PMEPA1: variants seen among roughly 807,000 people sequenced by gnomAD.
The protein encoded by PMEPA1 is protein TMEPAI.
In PMEPA1, 11 loss-of-function variants were observed where a neutral mutation model predicts 23.0. The ratio of observed to expected loss-of-function variants is 0.48; its 90% CI spans 0.30 to 0.79. The LOEUF is 0.79. Among genes scored for constraint, PMEPA1 ranks in the 30% least tolerant of loss-of-function variants. The pLI is 0.06. For missense variants in PMEPA1, 377 were observed against 390.9 expected, an observed-to-expected ratio of 0.96 and a Z score of 0.30; for synonymous variants, 204 against 166.4, an observed-to-expected ratio of 1.23 and a Z score of -1.74.
In PMEPA1 at chr20:57,652,996, A is replaced by G. The variant is rs1304970153; in HGVS notation, c.318+37T>C. 6 of 1,552,490 alleles carry G rather than the reference A, an allele frequency of 3.9e-6. No individual in the cohort carries two copies. Among genetic ancestry groups the G allele is most frequent in the Non-Finnish European group, 5.3e-6 (6 of 1,137,548 alleles). On this transcript the variant is annotated intron_variant, in intron 3 of 3. Transcript: ENST00000341744. This position sits in a 1 kb window ranked among gnomAD's most constrained non-coding sequence, Gnocchi z 6.1. ...CGCAGCGGGAGCAGCCCAGGGTGGG[A>G]TGGGGGTGTTGGAGGGGAGGCCGAG...
chr20:57,657,527 C>A (rs927171), intron 2 of PMEPA1, among the ~76,000 whole-genome samples: 62,314 of 152,162 alleles, frequency 0.41, 14,929 homozygotes, highest in Non-Finnish European at 0.54. Flanking sequence ...GTAGCAACAG[C>A]AAATAAACAC....
chr20:57,704,465 A>T lies in PMEPA1; in HGVS notation c.109+5009T>A, dbSNP rs1479503215. On this transcript the variant is annotated intron_variant, in intron 1 of 3. Transcript: ENST00000341744. The surrounding 1 kb of genome is among the most constrained non-coding windows in gnomAD (Gnocchi z 4.6). ...ACGCAACACTTTGTAAAAAGCAAAA[A>T]ATGGGCCCTCGGCTTCAATCTCCTT... 6.6e-6 allele frequency among the ~76,000 whole-genome samples: 1 copy of T among 151,970 alleles called. No homozygotes were observed. The highest frequency in any genetic ancestry group is 2.4e-5 in the African/African-American group (1 of 41,374).
intron 1 of PMEPA1, among the ~76,000 whole-genome samples, chr20:57,698,161 TA>T (rs1371345752): frequency 1.3e-5 from 2 of 152,104 alleles, no homozygotes; most frequent in Non-Finnish European, 2.9e-5. Context: ...CAGGGAGAGA[TA>T]CACCCGAGAT....
At chr20:57,692,357 C>T (rs1346096602) in intron 1 of PMEPA1, among the ~76,000 whole-genome samples, 2 of 152,246 alleles carry the variant, frequency 1.3e-5, no homozygotes, top group African/African-American at 4.8e-5. Flanking sequence ...GCACAGCCCA[C>T]CAGGTGTGGG....
At chr20:57,694,165 G>A (rs2071917355) in intron 1 of PMEPA1, among the ~76,000 whole-genome samples, 1 of 152,162 alleles carries the variant, frequency 6.6e-6, no homozygotes, top group South Asian at 2.1e-4. Flanking sequence ...AGGCCAAAGA[G>A]CAAAGTGCTT....
intron 1 of PMEPA1, among the ~76,000 whole-genome samples, chr20:57,678,281 T>C (rs1235759760): frequency 6.6e-6 from 1 of 152,220 alleles, no homozygotes; most frequent in African/African-American, 2.4e-5. Context: ...ACGGTACCAT[T>C]GGGGGAAGCT....
rs1170289701 is a variant in PMEPA1 at position 57,649,874 on chromosome 20, A to C, written c.*2179T>G. ...GTCCTCACCGAGCGACGGGAGTGTC[A>C]CTGCTTCTTCAGTAAGGCACTAGAG... On this transcript the variant is annotated 3_prime_UTR_variant, in exon 4 of 4. Transcript: ENST00000341744. 6.6e-6 allele frequency: 1 copy of C among 152,618 alleles called. No individual in the cohort carries two copies. The highest frequency in any genetic ancestry group is 6.5e-5 in the Admixed American group (1 of 15,284). The allele number at this position is 152,618 out of a possible 1,614,324, so 9.5% of individuals were successfully genotyped here. A position where few individuals can be genotyped will look rare whatever the true frequency, so the allele number is the denominator to read the frequency against.
chr20:57,695,983 C>T (rs1490440811), intron 1 of PMEPA1, among the ~76,000 whole-genome samples: 1 of 152,216 alleles, frequency 6.6e-6, no homozygotes, highest in Non-Finnish European at 1.5e-5. Flanking sequence ...CAGATGTTCT[C>T]TGGACTCTCT....
rs1402210626 is a variant in PMEPA1 at position 57,656,356 on chromosome 20, G to T, written c.264+3187C>A. The stretch of plus-strand genomic sequence containing the variant: ...TGCCCCTGGGAAATGGGCCCTTGGT[G>T]GGCTGGGTTCTCTCGGGAGCAGGAG... On this transcript the variant is annotated intron_variant, in intron 2 of 3. Transcript: ENST00000341744. This position sits in a 1 kb window ranked among gnomAD's most constrained non-coding sequence, Gnocchi z 4.7. Among the ~76,000 whole-genome samples, 1 of 151,664 alleles carries T rather than the reference G, an allele frequency of 6.6e-6. No individual in the cohort carries two copies. Among genetic ancestry groups the T allele is most frequent in the Non-Finnish European group, 1.5e-5 (1 of 67,842 alleles).
chr20:57,676,717 C>T (rs1436117897), intron 1 of PMEPA1, among the ~76,000 whole-genome samples: 1 of 152,194 alleles, frequency 6.6e-6, no homozygotes, highest in Non-Finnish European at 1.5e-5. Context: ...CCACTGGGAG[C>T]TGGACCCCCC....
intron 1 of PMEPA1, among the ~76,000 whole-genome samples, chr20:57,668,686 A>G (rs1182549825): frequency 6.6e-6 from 1 of 152,226 alleles, no homozygotes; most frequent in African/African-American, 2.4e-5. Context: ...TCCAGCATAT[A>G]GACAGCTGGG....
At chr20:57,694,538 GA>G (rs2071921673) in intron 1 of PMEPA1, among the ~76,000 whole-genome samples, 1 of 152,170 alleles carries the variant, frequency 6.6e-6, no homozygotes, top group South Asian at 2.1e-4. Flanking sequence ...AGATTTCTTG[GA>G]ACTGACATGG....
chr20:57,695,816 G>A (rs1376594003), intron 1 of PMEPA1, among the ~76,000 whole-genome samples: 1 of 152,122 alleles, frequency 6.6e-6, no homozygotes, highest in Non-Finnish European at 1.5e-5. Context: ...CCACACCCTG[G>A]AATTACCTGG....
At chr20:57,674,278 T>G (rs904585127) in intron 1 of PMEPA1, among the ~76,000 whole-genome samples, 1 of 152,184 alleles carries the variant, frequency 6.6e-6, no homozygotes, top group Non-Finnish European at 1.5e-5. Flanking sequence ...CCTCCTTCCA[T>G]GTGCTGGCAC....
intron 1 of PMEPA1, among the ~76,000 whole-genome samples, chr20:57,687,875 C>G (rs1358862010): frequency 1.3e-5 from 2 of 152,220 alleles, no homozygotes; most frequent in East Asian, 3.8e-4. Flanking sequence ...CAAGGGCCCC[C>G]AGCAGGGCTC....
At chr20:57,700,117 C>G in intron 1 of PMEPA1, 1 of 471,484 alleles carries the variant, frequency 2.1e-6, no homozygotes, top group Non-Finnish European at 4.4e-6. Context: ...TCCTGGAGAC[C>G]TTAAGGACCA....
rs1248919560 is a variant in PMEPA1 at position 57,648,586 on chromosome 20, C to T, written c.*3467G>A. On this transcript the variant is annotated 3_prime_UTR_variant, in exon 4 of 4. Coordinates refer to ENST00000341744, the MANE Select transcript of PMEPA1 (RefSeq NM_020182.5). ...CCACGGAAAGCTTACATAAGTTTAACTTGAACAGAGCTTGGGAAATGGGGC... is the reference window on the plus strand; with the variant it reads ...CCACGGAAAGCTTACATAAGTTTAATTTGAACAGAGCTTGGGAAATGGGGC... The T allele has an allele frequency of 1.3e-5, 2 of 152,554 alleles. No homozygotes were observed. The highest frequency in any genetic ancestry group is 6.5e-5 in the Admixed American group (1 of 15,282). The allele number at this position is 152,554 out of a possible 1,614,324, so 9.5% of individuals were successfully genotyped here.
At position 57,649,247 on chromosome 20, in the gene PMEPA1, A is replaced by G. The variant is rs2071189272; in HGVS notation, c.*2806T>C. 6.6e-6 allele frequency: 1 copy of G among 152,236 alleles called. No individual in the cohort carries two copies. The highest frequency in any genetic ancestry group is 2.4e-5 in the African/African-American group (1 of 41,450). 9.4% of individuals were successfully genotyped at this position (152,236 alleles called of 1,614,324 possible). The stretch of plus-strand genomic sequence containing the variant: ...CTCAGGAGCAGTCCAAGAGTTTTCA[A>G]AGATAACGTGACAACTACCATCTAG... On this transcript the variant is annotated 3_prime_UTR_variant, in exon 4 of 4. Coordinates refer to ENST00000341744, the MANE Select transcript of PMEPA1 (RefSeq NM_020182.5).
At position 57,651,847 on chromosome 20, in the gene PMEPA1, CTT is replaced by C; in HGVS notation, c.*204_*205del. On this transcript the variant is annotated 3_prime_UTR_variant, in exon 4 of 4. Transcript: ENST00000341744. Reference sequence around the variant, plus strand: ...ACAAAGAAACGTGGTTTTTTTTTTTCTTTTTTCTTTTTTTTTTTGCAAGCTCT... The same window carrying C: ...ACAAAGAAACGTGGTTTTTTTTTTTCTTTTCTTTTTTTTTTTGCAAGCTCT... The C allele has an allele frequency of 3.7e-6, 1 of 268,946 alleles. No individual in the cohort carries two copies. Among genetic ancestry groups the C allele is most frequent in the African/African-American group, 2.7e-5 (1 of 37,144 alleles). The allele number at this position is 268,946 out of a possible 1,614,324, so 16.7% of individuals were successfully genotyped here. A position where few individuals can be genotyped will look rare whatever the true frequency, so the allele number is the denominator to read the frequency against.
Sources: gnomAD v4.1 joint callset for allele counts (sites outside exome capture counted in the v4.1 genomes callset) on GRCh38, gnomAD v4.1.1 for gene constraint, Gnocchi (gnomAD v3.1) non-coding constraint, MANE v1.5 for transcripts, NCBI Gene and HGNC (gene_info 2026-07-23, HGNC 2026-07-21) for gene names.